The following ST8SIA4 variants were observed in gnomAD, a reference collection of about 807,000 sequenced individuals.
ST8SIA4 encodes CMP-N-acetylneuraminate-poly-alpha-2,8-sialyltransferase.
Under a neutral mutation model 33.9 loss-of-function variants are expected in ST8SIA4, and 15 were observed. The ratio of observed to expected loss-of-function variants is 0.44; its 90% CI spans 0.30 to 0.68. The LOEUF (loss-of-function observed/expected upper bound fraction) is 0.68. Ranked by LOEUF, ST8SIA4 falls within the 30% of genes least tolerant of loss-of-function variation. ST8SIA4 has a pLI of 0.10. For synonymous variants in ST8SIA4, 171 were observed against 151.2 expected (o/e 1.13, Z -0.96); for missense variants, 321 against 428.0 (o/e 0.75, Z 2.21).
intron 3 of ST8SIA4, among the ~76,000 whole-genome samples, chr5:100,870,552 T>C (rs1463763969): frequency 1.3e-5 from 2 of 152,182 alleles, no homozygotes; most frequent in African/African-American, 2.4e-5. Context: ...GTTAGACTGA[T>C]ATATGAAAAA....
At chr5:100,840,255 C>A (rs1249537635) in intron 4 of ST8SIA4, among the ~76,000 whole-genome samples, 5 of 151,702 alleles carry the variant, frequency 3.3e-5, no homozygotes, top group Non-Finnish European at 7.4e-5. Context: ...GATTGTAGTG[C>A]TATTTTAAAG....
At chr5:100,845,752 T>A (rs1162487714) in intron 4 of ST8SIA4, among the ~76,000 whole-genome samples, 2 of 152,020 alleles carry the variant, frequency 1.3e-5, no homozygotes, top group Non-Finnish European at 2.9e-5. Context: ...AAAATATTTT[T>A]AGTAACGATT....
chr5:100,886,275 C>A (rs1466793804), intron 3 of ST8SIA4, 68 bp downstream of exon 3: 2 of 1,553,644 alleles, frequency 1.3e-6, no homozygotes, highest in Non-Finnish European at 1.7e-6. Flanking sequence ...AATTTTCTAA[C>A]AGTTTTCCAC....
At chr5:100,825,478 T>C (rs1419178332) in intron 4 of ST8SIA4, among the ~76,000 whole-genome samples, 1 of 152,234 alleles carries the variant, frequency 6.6e-6, no homozygotes, top group Admixed American at 6.5e-5. Flanking sequence ...GTCTGTAGCA[T>C]ATGAAGTTTT....
intron 4 of ST8SIA4, among the ~76,000 whole-genome samples, chr5:100,837,027 CA>C (rs1275631072): frequency 2.0e-5 from 3 of 151,184 alleles, no homozygotes; most frequent in Non-Finnish European, 4.4e-5. Context: ...CACACACACA[CA>C]CACCGTAATA....
chr5:100,902,266 G>A (rs1283661593), intron 1 of ST8SIA4, among the ~76,000 whole-genome samples: 1 of 152,052 alleles, frequency 6.6e-6, no homozygotes, highest in Non-Finnish European at 1.5e-5. Flanking sequence ...TAACCATGAC[G>A]CCCATGCGTT....
intron 3 of ST8SIA4, among the ~76,000 whole-genome samples, chr5:100,868,072 C>T (rs191481292): frequency 1.5e-4 from 23 of 152,108 alleles, no homozygotes; most frequent in African/African-American, 5.5e-4. Flanking sequence ...AAATTCCTCT[C>T]AGAATTTCCC....
chr5:100,870,627 T>C (rs1258917700), intron 3 of ST8SIA4, among the ~76,000 whole-genome samples: 1 of 152,162 alleles, frequency 6.6e-6, no homozygotes, highest in East Asian at 1.9e-4. Flanking sequence ...TTTTAGATAT[T>C]GTCATCATTT....
At chr5:100,817,406 T>C (rs1457581879) in intron 4 of ST8SIA4, among the ~76,000 whole-genome samples, 7 of 152,110 alleles carry the variant, frequency 4.6e-5, no homozygotes, top group African/African-American at 1.7e-4. Context: ...GAGCAATAAA[T>C]AAATGTATGT....
intron 4 of ST8SIA4, among the ~76,000 whole-genome samples, chr5:100,850,954 C>CTTTT (rs70987828): frequency 3.5e-4 from 26 of 75,108 alleles, no homozygotes; most frequent in East Asian, 7.8e-4. Context: ...TGTAACCATA[C>CTTTT]TTTTTTTTTT....
intron 3 of ST8SIA4, among the ~76,000 whole-genome samples, chr5:100,882,001 A>C (rs1752436436): frequency 6.6e-6 from 1 of 152,158 alleles, no homozygotes; most frequent in African/African-American, 2.4e-5. Flanking sequence ...TAATACAGTA[A>C]ATTAGTACCC....
chr5:100,835,658 G>T (rs1561389148), intron 4 of ST8SIA4, among the ~76,000 whole-genome samples: 1 of 152,102 alleles, frequency 6.6e-6, no homozygotes, highest in Non-Finnish European at 1.5e-5. Context: ...AGATGCTGTG[G>T]TTGCCAATTA....
chr5:100,898,527 A>C (rs1012079831), intron 1 of ST8SIA4, among the ~76,000 whole-genome samples: 3 of 152,228 alleles, frequency 2.0e-5, no homozygotes, highest in Non-Finnish European at 4.4e-5. Context: ...GCCAAATTTC[A>C]GACTTTCATC....
At chr5:100,853,257 C>T (rs778245426) in intron 4 of ST8SIA4, among the ~76,000 whole-genome samples, 6 of 152,178 alleles carry the variant, frequency 3.9e-5, no homozygotes, top group African/African-American at 1.4e-4. Context: ...TAGGTCAAAA[C>T]GCTATCTTAC....
chr5:100,823,941 G>T (rs1452141276), intron 4 of ST8SIA4, among the ~76,000 whole-genome samples: 1 of 152,210 alleles, frequency 6.6e-6, no homozygotes, highest in African/African-American at 2.4e-5. Flanking sequence ...AGTTGATAGA[G>T]ATAATTAACT....
chr5:100,867,319 C>T (rs1208991369), intron 3 of ST8SIA4, among the ~76,000 whole-genome samples: 1 of 152,054 alleles, frequency 6.6e-6, no homozygotes, highest in Non-Finnish European at 1.5e-5. Flanking sequence ...TATCCTGACA[C>T]ATTCTTGCCA....
intron 3 of ST8SIA4, among the ~76,000 whole-genome samples, chr5:100,863,572 A>G (rs1009864219): frequency 6.6e-6 from 1 of 152,206 alleles, no homozygotes; most frequent in African/African-American, 2.4e-5. Context: ...TCTCTTCAAA[A>G]GATTTATATC....
At chr5:100,835,861 A>G (rs1751353637) in intron 4 of ST8SIA4, among the ~76,000 whole-genome samples, 1 of 152,184 alleles carries the variant, frequency 6.6e-6, no homozygotes, top group African/African-American at 2.4e-5. Context: ...AGAGAGATAT[A>G]GAAGTAAAAA....
intron 4 of ST8SIA4, among the ~76,000 whole-genome samples, chr5:100,848,187 A>G (rs1021523576): frequency 1.3e-5 from 2 of 151,906 alleles, no homozygotes; most frequent in African/African-American, 2.4e-5. Context: ...TACATTAAGC[A>G]TGGAAAAACT....
Sources: gnomAD v4.1 joint callset for allele counts (sites outside exome capture counted in the v4.1 genomes callset) on GRCh38, gnomAD v4.1.1 for gene constraint, MANE v1.5 for transcripts, NCBI Gene and HGNC (gene_info 2026-07-23, HGNC 2026-07-21) for gene names.